DTD1: variants seen among roughly 807,000 people sequenced by gnomAD.
The protein encoded by DTD1 is D-aminoacyl-tRNA deacylase 1, also known as D-tyrosyl-tRNA deacylase 1 homolog.
In DTD1, 13 loss-of-function variants were observed where a neutral mutation model predicts 25.6. That is an observed-to-expected ratio of 0.51 (90% confidence interval 0.33 to 0.81). The LOEUF (loss-of-function observed/expected upper bound fraction) is 0.81, where lower values mean the gene tolerates loss of function less well. DTD1 is among the 30% of genes least tolerant of loss of function. The pLI is 0.02. For missense variants in DTD1, 193 were observed against 266.4 expected (o/e 0.72, Z 1.92); for synonymous variants, 110 against 103.6 (o/e 1.06, Z -0.37).
In DTD1 at chr20:18,765,084, C is replaced by T. The variant is rs1449435335; in HGVS notation, c.*1744C>T. ...TGCTAAAGGCCTTTGTTGGTCACAG[C>T]CCAGTTCCTGGCTCCCATTCTAAAG... On this transcript the variant is annotated 3_prime_UTR_variant, in exon 6 of 6. Transcript: ENST00000377452. The T allele has an allele frequency of 6.6e-6, 1 of 152,214 alleles. No individual in the cohort carries two copies. The highest frequency in any genetic ancestry group is 1.5e-5 in the Non-Finnish European group (1 of 68,068). The allele number at this position is 152,214 out of a possible 1,614,324, so 9.4% of individuals were successfully genotyped here.
chr20:18,753,288 G>A (rs2061327318), intron 5 of DTD1, among the ~76,000 whole-genome samples: 3 of 152,100 alleles, frequency 2.0e-5, no homozygotes, highest in Non-Finnish European at 2.9e-5. Flanking sequence ...TTTTGATACT[G>A]TCATCTGAAT....
chr20:18,747,787 C>CAT (rs2061305873), intron 5 of DTD1, among the ~76,000 whole-genome samples: 1 of 150,750 alleles, frequency 6.6e-6, no homozygotes, highest in African/African-American at 2.4e-5. Context: ...CCCAGGCAGG[C>CAT]GGATCACGAG....
rs79095645 is a variant in DTD1 at position 18,738,979 on chromosome 20, G to T, written c.478-5121G>T. Among the ~76,000 whole-genome samples, 705 of 152,336 alleles carry T rather than the reference G, an allele frequency of 4.6e-3. 18 individuals carry two copies. In the East Asian group the frequency reaches 0.061, roughly 13 times the overall value. On this transcript the variant is annotated intron_variant, in intron 4 of 5. Coordinates refer to ENST00000377452, the MANE Select transcript of DTD1 (RefSeq NM_080820.6). ...GAAAGTGCGAATGTTCTTAGGTAGC[G>T]CTTGTCCTCTGCAGTGTGTCCTCAG...
chr20:18,639,054 G>A (rs747823297), intron 4 of DTD1, among the ~76,000 whole-genome samples: 7 of 152,014 alleles, frequency 4.6e-5, no homozygotes, highest in Non-Finnish European at 1.0e-4. Flanking sequence ...GGATTCCATG[G>A]CATGAGTTTC....
At chr20:18,707,736 A>G (rs2061132165) in intron 4 of DTD1, among the ~76,000 whole-genome samples, 1 of 152,044 alleles carries the variant, frequency 6.6e-6, no homozygotes, top group African/African-American at 2.4e-5. Context: ...AAACTCTTAC[A>G]GTACATGGTA....
chr20:18,713,419 C>T (rs1339093691), intron 4 of DTD1, among the ~76,000 whole-genome samples: 1 of 152,232 alleles, frequency 6.6e-6, no homozygotes, highest in Non-Finnish European at 1.5e-5. Flanking sequence ...ATTGGATGAG[C>T]AAGCCCTGCT....
At chr20:18,596,350 G>A (rs1208539164) in intron 3 of DTD1, 109 bp downstream of exon 3, 5 of 900,640 alleles carry the variant, frequency 5.6e-6, no homozygotes, top group African/African-American at 1.7e-5. Context: ...CATTGTTTAT[G>A]CTTGTTACTT....
At chr20:18,649,299 G>A (rs945518132) in intron 4 of DTD1, among the ~76,000 whole-genome samples, 49 of 132,526 alleles carry the variant, frequency 3.7e-4, no homozygotes, top group Non-Finnish European at 5.5e-4. Flanking sequence ...GAAAGACTCT[G>A]ATGGGCTTTC....
intron 3 of DTD1, among the ~76,000 whole-genome samples, chr20:18,618,344 GTTTTTGTT>G (rs2060717611): frequency 6.6e-6 from 1 of 151,032 alleles, no homozygotes; most frequent in Non-Finnish European, 1.5e-5. Context: ...TCCTTTTTTT[GTTTTTGTT>G]TTTTTGTTTT....
intron 3 of DTD1, among the ~76,000 whole-genome samples, chr20:18,613,874 G>T (rs2122282932): frequency 6.6e-6 from 1 of 152,302 alleles, no homozygotes; most frequent in East Asian, 1.9e-4. Context: ...ATGCTTGTAT[G>T]TGGGTATGTA....
chr20:18,644,241 T>A (rs55810662), intron 4 of DTD1, among the ~76,000 whole-genome samples: 127,789 of 151,556 alleles, frequency 0.84, 54,663 homozygotes, highest in Non-Finnish European at 0.93. Flanking sequence ...ATACTAGATC[T>A]GTACAGAGAA....
intron 4 of DTD1, among the ~76,000 whole-genome samples, chr20:18,727,945 G>A (rs1202685021): frequency 6.6e-6 from 1 of 152,226 alleles, no homozygotes; most frequent in African/African-American, 2.4e-5. Context: ...CAGAGGGGAG[G>A]CTGATGGAGA....
chr20:18,677,469 G>A (rs2060980937), intron 4 of DTD1, among the ~76,000 whole-genome samples: 1 of 152,098 alleles, frequency 6.6e-6, no homozygotes, highest in Non-Finnish European at 1.5e-5. Flanking sequence ...GAGAACTGGG[G>A]AGGGGTGATC....
At chr20:18,676,845 C>T (rs1365958363) in intron 4 of DTD1, among the ~76,000 whole-genome samples, 1 of 152,120 alleles carries the variant, frequency 6.6e-6, no homozygotes, top group Admixed American at 6.5e-5. Flanking sequence ...CTTGTGCATG[C>T]GCTGGAGTAA....
At chr20:18,752,451 G>A (rs577966194) in intron 5 of DTD1, among the ~76,000 whole-genome samples, 1 of 152,140 alleles carries the variant, frequency 6.6e-6, no homozygotes, top group Admixed American at 6.5e-5. Context: ...TTCTTCCTTG[G>A]CTGTGTCCAG....
At chr20:18,694,675 C>T (rs1207709311) in intron 4 of DTD1, among the ~76,000 whole-genome samples, 1 of 152,188 alleles carries the variant, frequency 6.6e-6, no homozygotes, top group East Asian at 1.9e-4. Flanking sequence ...GATTGCATTT[C>T]CCTGAGGGGG....
rs192515831 is a variant in DTD1 at position 18,607,541 on chromosome 20, A to G, written c.370+11300A>G. Among the ~76,000 whole-genome samples the G allele has an allele frequency of 1.3e-4, 20 of 152,246 alleles. No individual in the cohort carries two copies. In the East Asian group the frequency reaches 2.9e-3, roughly 22 times the overall value. ...GTTGGGAAGTACCCCCACTGCTTCT[A>G]TCTTCTGAAAGAGATAGATTGTAGA... On this transcript the variant is annotated intron_variant, in intron 3 of 5. Transcript: ENST00000377452.
At chr20:18,607,198 C>T (rs1881517027) in intron 3 of DTD1, among the ~76,000 whole-genome samples, 1 of 152,108 alleles carries the variant, frequency 6.6e-6, no homozygotes, top group African/African-American at 2.4e-5. Flanking sequence ...AGGTATTGGA[C>T]TGTTGTCCAG....
At chr20:18,735,714 A>G (rs1305880856) in intron 4 of DTD1, among the ~76,000 whole-genome samples, 1 of 152,172 alleles carries the variant, frequency 6.6e-6, no homozygotes, top group Non-Finnish European at 1.5e-5. Context: ...AAGACAAAGA[A>G]TAAGTCTTGA....
Sources: gnomAD v4.1 joint callset for allele counts (sites outside exome capture counted in the v4.1 genomes callset) on GRCh38, gnomAD v4.1.1 for gene constraint, MANE v1.5 for transcripts, NCBI Gene and HGNC (gene_info 2026-07-23, HGNC 2026-07-21) for gene names.